The following DCHS2 variants were observed in gnomAD, a reference collection of about 807,000 sequenced individuals.
DCHS2 encodes the protein dachsous cadherin-related 2, also known as protocadherin-23.
In DCHS2, 142 loss-of-function variants were observed where a neutral mutation model predicts 182.4. The observed-to-expected ratio is 0.78, with a 90% CI of 0.68 to 0.89. DCHS2 has a LOEUF of 0.89. DCHS2 is among the 40% of genes least tolerant of loss of function. DCHS2 has a pLI of 0.00. For synonymous variants in DCHS2, 1,740 were observed against 1,663.3 expected (o/e 1.05, Z -1.12); for missense variants, 4,319 against 4,198.6 (o/e 1.03, Z -0.79).
rs1733669809 is a variant in DCHS2, at chr4:154,433,940, A to G, written c.2052+55364T>C. Among the ~76,000 whole-genome samples, 2 of 152,242 alleles carry G rather than the reference A, an allele frequency of 1.3e-5. 1 individual carries two copies. Among genetic ancestry groups the G allele is most frequent in the Admixed American group, 1.3e-4 (2 of 15,284 alleles). On this transcript the variant is annotated intron_variant, in intron 1 of 19. Transcript: ENST00000357232. ...TCAGTTTCATGCCAGAACCTTGACC[A>G]ATGCAGAAAGCAAAAGAAAAAAGGA... is the stretch of plus-strand genomic sequence containing the variant.
At chr4:154,411,676 A>G (rs1732639597) in intron 1 of DCHS2, among the ~76,000 whole-genome samples, 1 of 152,194 alleles carries the variant, frequency 6.6e-6, no homozygotes, top group Admixed American at 6.5e-5. Flanking sequence ...ACAGTGTATT[A>G]TATTCAGGAT....
chr4:154,445,854 C>T (rs1237481209), intron 1 of DCHS2, among the ~76,000 whole-genome samples: 3 of 151,746 alleles, frequency 2.0e-5, no homozygotes, highest in Non-Finnish European at 2.9e-5. Flanking sequence ...GGCCACCTGC[C>T]CTTCTGGTCG....
intron 1 of DCHS2, chr4:154,391,369 C>T (rs1731695815): frequency 6.6e-7 from 1 of 1,522,518 alleles, no homozygotes; most frequent in Non-Finnish European, 8.8e-7. Context: ...CCTTGTGCTA[C>T]AGGTTCACAT....
chr4:154,436,545 G>C (rs957039387), intron 1 of DCHS2, among the ~76,000 whole-genome samples: 6 of 152,120 alleles, frequency 3.9e-5, no homozygotes, highest in Non-Finnish European at 7.3e-5. Flanking sequence ...CCACATTACT[G>C]TATGGTTTAT....
chr4:154,422,793 C>T (rs1191856523), intron 1 of DCHS2, among the ~76,000 whole-genome samples: 1 of 152,080 alleles, frequency 6.6e-6, no homozygotes, highest in Non-Finnish European at 1.5e-5. Context: ...TGCCATAGGC[C>T]CCAAGCAATG....
chr4:154,490,753 A>G lies in DCHS2; in HGVS notation c.603T>C (p.Thr201=). 6.4e-7 allele frequency: 1 copy of G among 1,551,566 alleles called. No individual in the cohort carries two copies. Among genetic ancestry groups the G allele is most frequent in the Non-Finnish European group, 8.7e-7 (1 of 1,146,896 alleles). ...ACGGTTGCACCAGGGTGTAGCCCTGAGTGCTGAACAGTCCGGCGTCCGGAT... is the reference window on the plus strand; with the variant it reads ...ACGGTTGCACCAGGGTGTAGCCCTGGGTGCTGAACAGTCCGGCGTCCGGAT... ...AHDPDAGLFS[T]QGYTLVQPSD... Residue 201 remains threonine (T), a synonymous_variant, in exon 1 of 20, where the codon ACT becomes ACC. Coordinates refer to ENST00000357232, the MANE Select transcript of DCHS2 (RefSeq NM_001358235.2).
chr4:154,404,757 G>T (rs1015585395), intron 1 of DCHS2, among the ~76,000 whole-genome samples: 4 of 152,084 alleles, frequency 2.6e-5, no homozygotes, highest in Admixed American at 2.0e-4. Flanking sequence ...ACCTTTTATG[G>T]TTATGAAATA....
At chr4:154,327,944 G>T in intron 7 of DCHS2, 149 bp downstream of exon 7, 1 of 453,510 alleles carries the variant, frequency 2.2e-6, no homozygotes. Flanking sequence ...AATAGCAAAT[G>T]TATTTTGTTT....
At chr4:154,402,502 G>A (rs1732232334) in intron 1 of DCHS2, among the ~76,000 whole-genome samples, 1 of 152,194 alleles carries the variant, frequency 6.6e-6, no homozygotes, top group Admixed American at 6.5e-5. Flanking sequence ...TACCATATTA[G>A]TCTGTTCTCA....
chr4:154,246,572 A>G (rs1046903710), intron 16 of DCHS2, among the ~76,000 whole-genome samples: 2 of 151,876 alleles, frequency 1.3e-5, no homozygotes, highest in Admixed American at 6.6e-5. Flanking sequence ...ATAGACAAAT[A>G]AAAAAAAGGA....
Position 154,320,665 on chromosome 4 carries a change from T to A in DCHS2, c.4734A>T (p.Glu1578Asp). Reference sequence around the variant, plus strand: ...CTGTCAGGATGACAGTTGGAATGCTTTCTCTGTCAAGACGGGACACAGTGA... The same window carrying A: ...CTGTCAGGATGACAGTTGGAATGCTATCTCTGTCAAGACGGGACACAGTGA... ...TLVTVSRLDR[E>D]SIPTVILTVT... The change falls in exon 9 of 20, where the codon GAA becomes GAT. Residue 1578 changes from glutamate (E) to aspartate (D), a missense_variant. By Grantham distance (45) the Glu-to-Asp change is conservative. Transcript: ENST00000357232. 1 of 1,614,120 alleles carries A rather than the reference T, an allele frequency of 6.2e-7. No homozygotes were observed. The highest frequency in any genetic ancestry group is 8.5e-7 in the Non-Finnish European group (1 of 1,180,020).
chr4:154,457,310 T>C (rs1734809066), intron 1 of DCHS2, among the ~76,000 whole-genome samples: 1 of 152,208 alleles, frequency 6.6e-6, no homozygotes, highest in Non-Finnish European at 1.5e-5. Flanking sequence ...AACTGCTAAC[T>C]TTAAATTGTC....
chr4:154,288,572 T>C (rs960199817), intron 13 of DCHS2, among the ~76,000 whole-genome samples: 1 of 152,044 alleles, frequency 6.6e-6, no homozygotes, highest in Non-Finnish European at 1.5e-5. Flanking sequence ...ATGGACCCAA[T>C]AGATATTTAC....
chr4:154,285,987 G>A (rs1403895500), intron 13 of DCHS2, among the ~76,000 whole-genome samples: 2 of 152,176 alleles, frequency 1.3e-5, no homozygotes, highest in East Asian at 3.9e-4. Context: ...GGGGTTCTTG[G>A]GTCACTCCTT....
intron 1 of DCHS2, among the ~76,000 whole-genome samples, chr4:154,431,947 G>A (rs1015148110): frequency 1.4e-4 from 22 of 152,124 alleles, no homozygotes; most frequent in Non-Finnish European, 2.2e-4. Flanking sequence ...TTTGAAGCCT[G>A]GATACATATT....
In DCHS2 at chr4:154,411,468, G is replaced by A. The variant is rs189975573; in HGVS notation, c.2053-34024C>T. Among the ~76,000 whole-genome samples the A allele has an allele frequency of 4.9e-4, 75 of 152,034 alleles. 1 individual carries two copies. The Middle Eastern group carries it at 0.02, about 41-fold the overall frequency. ...AAAAATTAGCCAGGTGTGGTGGCGC[G>A]TGCCTGTAGTCCCAGCTACTCGGGA... On this transcript the variant is annotated intron_variant, in intron 1 of 19. Coordinates refer to ENST00000357232, the MANE Select transcript of DCHS2 (RefSeq NM_001358235.2).
At chr4:154,387,710 A>T (rs988123011) in intron 1 of DCHS2, among the ~76,000 whole-genome samples, 1 of 152,134 alleles carries the variant, frequency 6.6e-6, no homozygotes, top group Non-Finnish European at 1.5e-5. Context: ...AAAGGCTTAA[A>T]CTCCATTATG....
At chr4:154,393,503 T>C (rs150813132) in intron 1 of DCHS2, among the ~76,000 whole-genome samples, 2 of 152,364 alleles carry the variant, frequency 1.3e-5, no homozygotes, top group African/African-American at 4.8e-5. Flanking sequence ...TTGTATTTCA[T>C]GGTGTGATAG....
intron 3 of DCHS2, among the ~76,000 whole-genome samples, chr4:154,356,313 T>C (rs966119612): frequency 6.6e-6 from 1 of 152,184 alleles, no homozygotes; most frequent in South Asian, 2.1e-4. Flanking sequence ...GTGTTTGTCT[T>C]TCAAGCTAAG....
Sources: gnomAD v4.1 joint callset for allele counts (sites outside exome capture counted in the v4.1 genomes callset) on GRCh38, gnomAD v4.1.1 for gene constraint, MANE v1.5 for transcripts, NCBI Gene and HGNC (gene_info 2026-07-23, HGNC 2026-07-21) for gene names.